Variants in NME7 observed in about 807,000 individuals in gnomAD.
The protein encoded by NME7 is NME/NM23 family member 7, also known as nucleoside diphosphate kinase 7.
Under a neutral mutation model 49.1 loss-of-function variants are expected in NME7, and 41 were observed. The observed-to-expected ratio is 0.83, with a 90% CI of 0.65 to 1.08. NME7 has a LOEUF of 1.08. Ranked by LOEUF, NME7 falls within the 50% of genes least tolerant of loss-of-function variation. NME7 has a pLI of 0.00. For missense variants in NME7, 423 were observed against 463.4 expected, an observed-to-expected ratio of 0.91 and a Z score of 0.80; for synonymous variants, 139 against 150.6, an observed-to-expected ratio of 0.92 and a Z score of 0.56.
chr1:169,332,596 C>T (rs1295434220), intron 1 of NME7, among the ~76,000 whole-genome samples: 2 of 152,028 alleles, frequency 1.3e-5, no homozygotes, highest in African/African-American at 4.8e-5. Context: ...ATAACCAGAA[C>T]ACCTAAGGAA....
intron 1 of NME7, among the ~76,000 whole-genome samples, chr1:169,341,526 G>C (rs1652699157): frequency 6.6e-6 from 1 of 152,196 alleles, no homozygotes; most frequent in Non-Finnish European, 1.5e-5. Flanking sequence ...GCCTGGTGGG[G>C]CTGTGAGAAG....
At chr1:169,347,048 T>G (rs1652975680) in intron 1 of NME7, among the ~76,000 whole-genome samples, 1 of 152,100 alleles carries the variant, frequency 6.6e-6, no homozygotes, top group Non-Finnish European at 1.5e-5. Flanking sequence ...ATAATTCTTG[T>G]AATAATATGT....
intron 1 of NME7, among the ~76,000 whole-genome samples, chr1:169,336,418 C>T (rs563746859): frequency 4.6e-5 from 7 of 152,054 alleles, no homozygotes; most frequent in Admixed American, 1.3e-4. Context: ...TTGGTAGAGC[C>T]GAGTGGCCTG....
chr1:169,289,864 T>G (rs1208469569), intron 6 of NME7, among the ~76,000 whole-genome samples: 1 of 152,056 alleles, frequency 6.6e-6, no homozygotes, highest in Non-Finnish European at 1.5e-5. Context: ...TAATTCAAAG[T>G]CTTTATAAAA....
chr1:169,342,707 T>C (rs1432440751), intron 1 of NME7, among the ~76,000 whole-genome samples: 2 of 50,268 alleles, frequency 4.0e-5, no homozygotes, highest in South Asian at 1.1e-3. Flanking sequence ...TATATATATA[T>C]ACAAGTACAT....
At chr1:169,364,083 T>C (rs548730026) in intron 1 of NME7, among the ~76,000 whole-genome samples, 1 of 152,362 alleles carries the variant, frequency 6.6e-6, no homozygotes, top group South Asian at 2.1e-4. Context: ...ATTGTACAAT[T>C]TGCCCCCTAT....
chr1:169,363,852 C>T (rs139599621), intron 1 of NME7, among the ~76,000 whole-genome samples: 251 of 152,250 alleles, frequency 1.6e-3, no homozygotes, highest in African/African-American at 5.3e-3. Context: ...CCTGCAATCC[C>T]GGCAGGAGGA....
Position 169,132,738 on chromosome 1 carries a change from C to G in NME7, c.*47G>C. ...GAACACATTCCTCGTGTGTGATTCA[C>G]TCTTGTCTAAATGTCCCAACCTGTG... On this transcript the variant is annotated 3_prime_UTR_variant, in exon 12 of 12. Transcript: ENST00000367811. 2 of 1,566,696 alleles carry G rather than the reference C, an allele frequency of 1.3e-6. No homozygotes were observed. The highest frequency in any genetic ancestry group is 1.8e-6 in the Non-Finnish European group (2 of 1,139,866).
chr1:169,357,274 A>T (rs1458284713), intron 1 of NME7, among the ~76,000 whole-genome samples: 1 of 152,056 alleles, frequency 6.6e-6, no homozygotes, highest in Non-Finnish European at 1.5e-5. Context: ...GAGCTTTTTA[A>T]AAAAGAAATC....
chr1:169,189,727 T>C (rs1299259074), intron 10 of NME7, among the ~76,000 whole-genome samples: 5 of 152,182 alleles, frequency 3.3e-5, no homozygotes, highest in African/African-American at 1.2e-4. Context: ...CAAATTACTG[T>C]TTTGGCAAAT....
intron 10 of NME7, among the ~76,000 whole-genome samples, chr1:169,216,690 G>C (rs1660981722): frequency 6.6e-6 from 1 of 152,164 alleles, no homozygotes; most frequent in Admixed American, 6.5e-5. Context: ...CAGGAAGTGG[G>C]GGCAGTCTTG....
At chr1:169,282,617 T>C (rs974157702) in intron 7 of NME7, among the ~76,000 whole-genome samples, 1 of 152,216 alleles carries the variant, frequency 6.6e-6, no homozygotes, top group African/African-American at 2.4e-5. Context: ...AAGACTACTT[T>C]AAATGTGTCC....
At chr1:169,335,749 T>TAAAG in intron 1 of NME7, among the ~76,000 whole-genome samples, 4 of 147,218 alleles carry the variant, frequency 2.7e-5, no homozygotes, top group Non-Finnish European at 6.0e-5. Context: ...ATATATACTT[T>TAAAG]TATATATTAA....
At chr1:169,156,709 A>G (rs1659086435) in intron 11 of NME7, among the ~76,000 whole-genome samples, 1 of 152,234 alleles carries the variant, frequency 6.6e-6, no homozygotes, top group African/African-American at 2.4e-5. Flanking sequence ...AGAAAGACCT[A>G]TGAACCTGTA....
Position 169,183,973 on chromosome 1 carries a change from T to C in NME7, c.991-14419A>G, listed in dbSNP as rs180960923. 6.2e-3 allele frequency among the ~76,000 whole-genome samples: 940 copies of C among 152,184 alleles called. 10 individuals carry two copies. The highest frequency in any genetic ancestry group is 0.021 in the African/African-American group (885 of 41,544). On this transcript the variant is annotated intron_variant, in intron 10 of 11. Coordinates refer to ENST00000367811, the MANE Select transcript of NME7 (RefSeq NM_013330.5). ...CCTAATACTTTATTGTAAAAAGATT[T>C]TTTTTTCTCATGGTCACATTATAAT...
chr1:169,198,356 A>T (rs994361242), intron 10 of NME7, among the ~76,000 whole-genome samples: 1 of 152,104 alleles, frequency 6.6e-6, no homozygotes, highest in Non-Finnish European at 1.5e-5. Context: ...ACTACTATTA[A>T]GAATATACTC....
chr1:169,279,326 T>A (rs1183941416), intron 7 of NME7, among the ~76,000 whole-genome samples: 1 of 152,254 alleles, frequency 6.6e-6, no homozygotes, highest in East Asian at 1.9e-4. Flanking sequence ...CTCCTTGAGC[T>A]GTGGTGGGCT....
intron 10 of NME7, among the ~76,000 whole-genome samples, chr1:169,190,152 C>T (rs984948569): frequency 4.6e-5 from 7 of 151,948 alleles, no homozygotes; most frequent in African/African-American, 1.7e-4. Flanking sequence ...CTTGTACAAA[C>T]ATTTATGTAT....
chr1:169,299,884 C>A (rs1441307054), intron 5 of NME7, among the ~76,000 whole-genome samples: 2 of 151,996 alleles, frequency 1.3e-5, no homozygotes, highest in African/African-American at 4.8e-5. Context: ...AAACCCAAAT[C>A]AAAGGAGCAA....
Sources: gnomAD v4.1 joint callset for allele counts (sites outside exome capture counted in the v4.1 genomes callset) on GRCh38, gnomAD v4.1.1 for gene constraint, MANE v1.5 for transcripts, NCBI Gene and HGNC (gene_info 2026-07-23, HGNC 2026-07-21) for gene names.